APP: variants seen among roughly 807,000 people sequenced by gnomAD.
The protein encoded by APP is amyloid beta precursor protein.
A neutral mutation model predicts 101.4 loss-of-function variants in APP; 31 were observed. The ratio of observed to expected loss-of-function variants is 0.31; its 90% CI spans 0.23 to 0.41. The LOEUF is 0.41. Ranked by LOEUF, APP falls within the 10% of genes least tolerant of loss-of-function variation. APP has a pLI of 1.00. For synonymous variants in APP, 366 were observed against 364.4 expected (o/e 1.00, Z -0.05); for missense variants, 839 against 1,003.7 (o/e 0.84, Z 2.22).
intron 3 of APP, 30 bp from the exon 4 acceptor site, chr21:26,053,378 T>C (rs2045914810): frequency 7.0e-7 from 1 of 1,428,536 alleles, no homozygotes; most frequent in African/African-American, 1.4e-5. Flanking sequence ...CTTCCCGTCA[T>C]TCCATCTGTA....
chr21:26,150,792 T>C (rs2063253389), intron 1 of APP, among the ~76,000 whole-genome samples: 1 of 152,248 alleles, frequency 6.6e-6, no homozygotes, highest in Non-Finnish European at 1.5e-5. Flanking sequence ...TTCCATATTA[T>C]ATCAATATTT....
At chr21:26,164,240 G>A (rs143754839) in intron 1 of APP, among the ~76,000 whole-genome samples, 37 of 152,340 alleles carry the variant, frequency 2.4e-4, no homozygotes, top group African/African-American at 7.7e-4. Context: ...GCGAGACTCC[G>A]TCTCAAAAAC....
intron 15 of APP, among the ~76,000 whole-genome samples, chr21:25,899,018 G>T (rs138406633): frequency 3.9e-5 from 6 of 152,180 alleles, no homozygotes; most frequent in Non-Finnish European, 1.5e-5. Flanking sequence ...GGAAATCCAC[G>T]CTGGTTGTGA....
At chr21:26,087,563 T>A (rs943702895) in intron 3 of APP, among the ~76,000 whole-genome samples, 1 of 152,222 alleles carries the variant, frequency 6.6e-6, no homozygotes, top group Non-Finnish European at 1.5e-5. Context: ...AGAAATCTGA[T>A]AATGGTTGAT....
Position 26,106,132 on chromosome 21 carries a change from T to C in APP, c.225+5847A>G, listed in dbSNP as rs187025019. Among the ~76,000 whole-genome samples, 543 of 152,332 alleles carry C rather than the reference T, an allele frequency of 3.6e-3. 3 individuals carry two copies. The highest frequency in any genetic ancestry group is 0.012 in the African/African-American group (518 of 41,572). On this transcript the variant is annotated intron_variant, in intron 2 of 17. Transcript: ENST00000346798. ...CCAGGACTAACACTACCAGAGGTCG[T>C]GGCTACCAACATCCCTGGTCTCCTT... is the stretch of plus-strand genomic sequence containing the variant.
intron 11 of APP, among the ~76,000 whole-genome samples, chr21:25,966,229 C>T (rs2041792035): frequency 6.6e-6 from 1 of 152,090 alleles, no homozygotes; most frequent in South Asian, 2.1e-4. Context: ...GCATGTATAC[C>T]ATTCAGCATA....
intron 1 of APP, among the ~76,000 whole-genome samples, chr21:26,127,328 A>T (rs2062705504): frequency 6.6e-6 from 1 of 152,210 alleles, no homozygotes; most frequent in South Asian, 2.1e-4. Flanking sequence ...AGACTTTCAA[A>T]TTCTAGCCAA....
At chr21:25,969,917 A>AGG (rs1212663982) in intron 11 of APP, among the ~76,000 whole-genome samples, 4 of 127,508 alleles carry the variant, frequency 3.1e-5, no homozygotes, top group South Asian at 2.8e-4. Flanking sequence ...AGGGGAGGGG[A>AGG]AGAGAAAAGG....
intron 6 of APP, among the ~76,000 whole-genome samples, chr21:26,004,166 G>A (rs1391635353): frequency 6.6e-6 from 1 of 151,934 alleles, no homozygotes; most frequent in East Asian, 1.9e-4. Flanking sequence ...TGAACACGGA[G>A]AAGCAGCAGC....
chr21:26,111,457 G>A (rs1475578969), intron 2 of APP, among the ~76,000 whole-genome samples: 2 of 152,114 alleles, frequency 1.3e-5, no homozygotes, highest in African/African-American at 2.4e-5. Flanking sequence ...AGTGTGGAGG[G>A]CTGAGCATGG....
At chr21:26,040,257 G>C (rs1157170710) in intron 5 of APP, among the ~76,000 whole-genome samples, 3 of 152,140 alleles carry the variant, frequency 2.0e-5, no homozygotes, top group Non-Finnish European at 2.9e-5. Flanking sequence ...TTTTGGATTA[G>C]GGATGCTCAA....
At chr21:26,064,412 A>G (rs2046380032) in intron 3 of APP, among the ~76,000 whole-genome samples, 1 of 152,186 alleles carries the variant, frequency 6.6e-6, no homozygotes, top group African/African-American at 2.4e-5. Context: ...TGTAAAATAT[A>G]AAGTCTATTT....
At chr21:25,925,371 T>C (rs1293289670) in intron 13 of APP, among the ~76,000 whole-genome samples, 2 of 152,222 alleles carry the variant, frequency 1.3e-5, no homozygotes, top group Non-Finnish European at 2.9e-5. Flanking sequence ...CGTGGGAGGC[T>C]GGTTCCATGG....
intron 13 of APP, among the ~76,000 whole-genome samples, chr21:25,912,424 C>A (rs752642588): frequency 6.6e-6 from 1 of 152,206 alleles, no homozygotes; most frequent in Non-Finnish European, 1.5e-5. Context: ...GCCTTGCACA[C>A]TTGCAAGGAT....
chr21:26,004,951 C>T (rs1372056618), intron 6 of APP, among the ~76,000 whole-genome samples: 2 of 152,136 alleles, frequency 1.3e-5, no homozygotes, highest in African/African-American at 2.4e-5. Flanking sequence ...TGGTTTCCAG[C>T]TTCATCCATG....
At chr21:26,160,453 C>T (rs1020287709) in intron 1 of APP, among the ~76,000 whole-genome samples, 7 of 152,148 alleles carry the variant, frequency 4.6e-5, no homozygotes, top group Non-Finnish European at 8.8e-5. Flanking sequence ...TGAGAAAATA[C>T]TAGCAAGATA....
chr21:25,962,423 A>G (rs17001582), intron 11 of APP, among the ~76,000 whole-genome samples: 6,970 of 152,214 alleles, frequency 0.046, 531 homozygotes, highest in African/African-American at 0.16. Flanking sequence ...GCTAATAAAT[A>G]TTTGTTAATT....
intron 13 of APP, among the ~76,000 whole-genome samples, chr21:25,933,325 A>C (rs967027734): frequency 2.0e-5 from 3 of 152,174 alleles, no homozygotes; most frequent in Non-Finnish European, 2.9e-5. Flanking sequence ...CTAGTCTTGA[A>C]TTGCTGGGGT....
intron 3 of APP, among the ~76,000 whole-genome samples, chr21:26,081,983 C>T (rs994216768): frequency 6.6e-5 from 10 of 152,076 alleles, no homozygotes; most frequent in African/African-American, 2.4e-4. Context: ...TTTGGGAGGC[C>T]AAGATGGGTG....
Sources: gnomAD v4.1 joint callset for allele counts (sites outside exome capture counted in the v4.1 genomes callset) on GRCh38, gnomAD v4.1.1 for gene constraint, MANE v1.5 for transcripts, NCBI Gene and HGNC (gene_info 2026-07-23, HGNC 2026-07-21) for gene names.